The following EMX2 variants were observed in gnomAD, a reference collection of about 807,000 sequenced individuals.
EMX2 encodes homeobox protein EMX2.
In EMX2, 6 loss-of-function variants were observed where a neutral mutation model predicts 23.0. The observed-to-expected ratio is 0.26, with a 90% CI of 0.14 to 0.52. The LOEUF (loss-of-function observed/expected upper bound fraction) is 0.52, where lower values mean the gene tolerates loss of function less well. EMX2 is among the 20% of genes least tolerant of loss of function. The probability of loss-of-function intolerance (pLI) is 0.97; values close to 1 mark genes in which losing one functional copy is unlikely to be tolerated. For missense variants in EMX2, 302 were observed against 341.4 expected (o/e 0.88, Z 0.91); for synonymous variants, 175 against 153.3 (o/e 1.14, Z -1.04).
Position 117,548,586 on chromosome 10 carries a change from C to T in EMX2, c.*354C>T. 1 of 520,716 alleles carries T rather than the reference C, an allele frequency of 1.9e-6. No individual in the cohort carries two copies. 32.3% of individuals were successfully genotyped at this position (520,716 alleles called of 1,614,324 possible). A position where few individuals can be genotyped will look rare whatever the true frequency, so the allele number is the denominator to read the frequency against. Reference sequence around the variant, plus strand: ...AGAGAGAGAGAGAAAGCTGAACGTGCACTCTGACAAGGGGAGCTGTCAATC... The same window carrying T: ...AGAGAGAGAGAGAAAGCTGAACGTGTACTCTGACAAGGGGAGCTGTCAATC... On this transcript the variant is annotated 3_prime_UTR_variant, in exon 3 of 3. Transcript: ENST00000553456.
In EMX2 at chr10:117,545,625, C is replaced by T. The variant is rs992110232; in HGVS notation, c.407-7C>T. Reference sequence around the variant, plus strand: ...CCCTAATGGGATTTCTGCTGTGCTCCCCGCAGGGAACGACACTAGCCCCGA... The same window carrying T: ...CCCTAATGGGATTTCTGCTGTGCTCTCCGCAGGGAACGACACTAGCCCCGA... On this transcript the variant is annotated splice_polypyrimidine_tract_variant and splice_region_variant and intron_variant, in intron 1 of 2. Coordinates refer to ENST00000553456, the MANE Select transcript of EMX2 (RefSeq NM_004098.4). 1.1e-5 allele frequency: 18 copies of T among 1,613,994 alleles called. No individual in the cohort carries two copies. Among genetic ancestry groups the T allele is most frequent in the Non-Finnish European group, 1.5e-5 (18 of 1,180,042 alleles).
At chr10:117,544,324 G>A (rs1397055735) in intron 1 of EMX2, 4 of 152,134 alleles carry the variant, frequency 2.6e-5, no homozygotes, top group Non-Finnish European at 5.9e-5. Context: ...TTGGGGCGCC[G>A]AGCAGCCACA....
chr10:117,547,249 T>C (rs1846591038), intron 2 of EMX2, among the ~76,000 whole-genome samples: 1 of 152,056 alleles, frequency 6.6e-6, no homozygotes, highest in Non-Finnish European at 1.5e-5. Context: ...GGGTCCGAGG[T>C]TGTGTGACCA....
In EMX2 at chr10:117,543,679, T is replaced by C; in HGVS notation, c.406+6T>C. ...TCTGGGTCATCGCTTCCAAGGTACG[T>C]GCCACGTCGCGGAACTGCAGCGCGC... On this transcript the variant is annotated splice_donor_region_variant and intron_variant, in intron 1 of 2. Transcript: ENST00000553456. 1 of 1,613,358 alleles carries C rather than the reference T, an allele frequency of 6.2e-7. No homozygotes were observed. The highest frequency in any genetic ancestry group is 8.5e-7 in the Non-Finnish European group (1 of 1,179,708).
In EMX2 at chr10:117,545,807, G is replaced by A. The variant is rs760290546; in HGVS notation, c.582G>A (p.Thr194=). The A allele has an allele frequency of 3.1e-6, 5 of 1,613,850 alleles. No homozygotes were observed. In the South Asian group the frequency reaches 5.5e-5, roughly 18 times the overall value. The change falls in exon 2 of 3, where the codon ACG becomes ACA. Residue 194 remains threonine, a synonymous_variant. Transcript: ENST00000553456. ...RKQLAHSLSL[T]ETQVKVWFQN... ...AGCTGGCACACAGCCTCAGCCTCAC[G>A]GAAACTCAGGTGACTGCGGCCCGGG...
Position 117,543,517 on chromosome 10 carries a change from C to G in EMX2, c.250C>G (p.Pro84Ala), listed in dbSNP as rs764220035. Residue 84 changes from proline to alanine, a missense_variant, in exon 1 of 3, where the codon CCA (proline) becomes GCA (alanine). By Grantham distance (27) the Pro-to-Ala change is conservative (BLOSUM62 -1). Around this residue, in one of 4 missense-constraint regions of EMX2, gnomAD observed 221 missense variants for 206.8 expected, o/e 1.07. Transcript: ENST00000553456. ...CTCGCACCCGCCCAACCCCGCCGTG[C>G]CAGTGCACCCGGTGCCGCCGCCGCA... ...AVSHPPNPAV[P>A]VHPVPPPHAL... is the part of the protein sequence containing the mutation. 6 of 1,592,316 alleles carry G rather than the reference C, an allele frequency of 3.8e-6. No homozygotes were observed. Among genetic ancestry groups the G allele is most frequent in the South Asian group, 1.1e-5 (1 of 90,522 alleles).
intron 2 of EMX2, among the ~76,000 whole-genome samples, chr10:117,547,773 T>G (rs1294814415): frequency 1.3e-5 from 2 of 152,208 alleles, no homozygotes; most frequent in Non-Finnish European, 2.9e-5. Flanking sequence ...ATAGATGCCC[T>G]CTGCAGGGCC....
chr10:117,545,484 C>T, intron 1 of EMX2, 148 bp from the exon 2 acceptor site: 1 of 994,452 alleles, frequency 1.0e-6, no homozygotes, highest in Non-Finnish European at 1.5e-6. Flanking sequence ...TTCGTGAGCC[C>T]TTGGGAGGAC....
intron 2 of EMX2, among the ~76,000 whole-genome samples, chr10:117,547,446 T>C (rs560409417): frequency 6.6e-6 from 1 of 152,282 alleles, no homozygotes; most frequent in East Asian, 1.9e-4. Flanking sequence ...ATGTCCCTCC[T>C]GGCCTCCTCC....
At position 117,543,602 on chromosome 10, in the gene EMX2, A is replaced by G; in HGVS notation, c.335A>G (p.Gln112Arg). ...SHSPHPLFASQQRDPSTFYPW... is the reference protein window; with the variant it reads ...SHSPHPLFASRQRDPSTFYPW... The stretch of plus-strand genomic sequence containing the variant: ...TCGCCACACCCCCTATTCGCCTCGC[A>G]GCAGCGGGATCCGTCCACCTTCTAC... The change falls in exon 1 of 3, where the codon CAG becomes CGG. Residue 112 changes from glutamine to arginine, a missense_variant. Physicochemically the swap from Gln to Arg is conservative, Grantham distance 43. Around this residue, in one of 4 missense-constraint regions of EMX2, gnomAD observed 221 missense variants for 206.8 expected, o/e 1.07. Coordinates refer to ENST00000553456, the MANE Select transcript of EMX2 (RefSeq NM_004098.4). 1.2e-6 allele frequency: 2 copies of G among 1,609,218 alleles called. No homozygotes were observed. Among genetic ancestry groups the G allele is most frequent in the Non-Finnish European group, 1.7e-6 (2 of 1,178,950 alleles).
chr10:117,543,810 A>G, intron 1 of EMX2, 137 bp downstream of exon 1: 4 of 1,390,820 alleles, frequency 2.9e-6, no homozygotes, highest in Non-Finnish European at 4.0e-6. Flanking sequence ...CCTGTTGGGA[A>G]ACTAGGCGGC....
Position 117,548,536 on chromosome 10 carries a change from G to T in EMX2, c.*304G>T. The stretch of plus-strand genomic sequence containing the variant: ...AAGGAGAAAGAGGGAGGGAGAGAGA[G>T]AAAGAGAGAGAAAGAGAGAGAGAGA... On this transcript the variant is annotated 3_prime_UTR_variant, in exon 3 of 3. Coordinates refer to ENST00000553456, the MANE Select transcript of EMX2 (RefSeq NM_004098.4). The T allele has an allele frequency of 2.3e-6, 1 of 430,482 alleles. No homozygotes were observed. Among genetic ancestry groups the T allele is most frequent in the South Asian group, 2.9e-5 (1 of 34,154 alleles). The allele number at this position is 430,482 out of a possible 1,614,324, so 26.7% of individuals were successfully genotyped here.
At chr10:117,547,987 G>C (rs1846602794) in intron 2 of EMX2, 78 bp from the exon 3 acceptor site, 5 of 1,540,970 alleles carry the variant, frequency 3.2e-6, no homozygotes, top group Non-Finnish European at 4.4e-6. Flanking sequence ...TGGAGTCTGG[G>C]CTGGGTGAAA....
At position 117,548,885 on chromosome 10, in the gene EMX2, A is replaced by G; in HGVS notation, c.*653A>G. The stretch of plus-strand genomic sequence containing the variant: ...TGTTTAAAGACCGAAAATGAATTGT[A>G]ATTTTCTTTTCCTTTTAAAGACAGG... On this transcript the variant is annotated 3_prime_UTR_variant, in exon 3 of 3. Coordinates refer to ENST00000553456, the MANE Select transcript of EMX2 (RefSeq NM_004098.4). 1 of 389,418 alleles carries G rather than the reference A, an allele frequency of 2.6e-6. No homozygotes were observed. The allele number at this position is 389,418 out of a possible 1,614,324, so 24.1% of individuals were successfully genotyped here. A position where few individuals can be genotyped will look rare whatever the true frequency, so the allele number is the denominator to read the frequency against.
Position 117,548,132 on chromosome 10 carries a change from A to G in EMX2, c.659A>G (p.Asp220Gly). Reference protein sequence around the residue: ...KRQKLEEEGSDSQQKKKGTHH... With the variant: ...KRQKLEEEGSGSQQKKKGTHH... Reference sequence around the variant, plus strand: ...CAGAAGCTGGAGGAAGAAGGCTCAGATTCGCAACAAAAGAAAAAAGGGACG... The same window carrying G: ...CAGAAGCTGGAGGAAGAAGGCTCAGGTTCGCAACAAAAGAAAAAAGGGACG... Residue 220 changes from aspartate to glycine, a missense_variant, in exon 3 of 3, where the codon GAT (aspartate) becomes GGT (glycine). Transcript: ENST00000553456. 1.2e-6 allele frequency: 2 copies of G among 1,613,928 alleles called. No individual in the cohort carries two copies. Among genetic ancestry groups the G allele is most frequent in the Non-Finnish European group, 1.7e-6 (2 of 1,179,942 alleles).
At chr10:117,545,446 C>T (rs1846563138) in intron 1 of EMX2, among the ~76,000 whole-genome samples, 186 bp from the exon 2 acceptor site, 2 of 152,192 alleles carry the variant, frequency 1.3e-5, no homozygotes, top group African/African-American at 4.8e-5. Context: ...CCCGGCGTTC[C>T]GGGCCGGGCA....
At chr10:117,547,449 C>T (rs980984572) in intron 2 of EMX2, among the ~76,000 whole-genome samples, 19 of 152,288 alleles carry the variant, frequency 1.2e-4, no homozygotes, top group Non-Finnish European at 2.2e-4. Context: ...TCCCTCCTGG[C>T]CTCCTCCAGC....
chr10:117,545,538 T>A, intron 1 of EMX2, 94 bp from the exon 2 acceptor site: 1 of 1,525,732 alleles, frequency 6.6e-7, no homozygotes, highest in South Asian at 1.2e-5. Flanking sequence ...GCGAAGGCCC[T>A]GAGCACGGTG....
intron 2 of EMX2, 46 bp downstream of exon 2, chr10:117,545,862 C>T (rs78306377): frequency 3.1e-6 from 5 of 1,611,796 alleles, no homozygotes; most frequent in African/African-American, 1.3e-5. Context: ...CGTGCGCCCC[C>T]TCCCCAAAGC....
Sources: allele counts gnomAD v4.1 joint callset (sites outside exome capture counted in the v4.1 genomes callset), GRCh38; gene constraint gnomAD v4.1.1; regional missense constraint gnomAD v4.1.1; transcripts MANE v1.5; gene names NCBI Gene and HGNC (gene_info 2026-07-23, HGNC 2026-07-21).